Variants in ACAA1 observed in about 807,000 individuals in gnomAD.
The protein encoded by ACAA1 is 3-ketoacyl-CoA thiolase, peroxisomal.
A neutral mutation model predicts 48.8 loss-of-function variants in ACAA1; 44 were observed. That is an observed-to-expected ratio of 0.90 (90% CI 0.71 to 1.16). The LOEUF is 1.16. ACAA1 is among the 50% of genes most tolerant of loss of function. The probability of loss-of-function intolerance (pLI) is 0.00; values close to 1 mark genes in which losing one functional copy is unlikely to be tolerated. For synonymous variants in ACAA1, 233 were observed against 226.5 expected, an observed-to-expected ratio of 1.03 and a Z score of -0.26; for missense variants, 512 against 562.3, an observed-to-expected ratio of 0.91 and a Z score of 0.90.
Position 38,126,743 on chromosome 3 carries a change from T to G in ACAA1, c.627-43A>C, listed in dbSNP as rs936578276. ...AGCCAGCTTCAGACTCCCTTGGGGT[T>G]CCCTTCCTCCCTGCCCCCAACCCCT... On this transcript the variant is annotated intron_variant, in intron 7 of 11. Transcript: ENST00000333167. This position sits in a 1 kb window ranked among gnomAD's most constrained non-coding sequence, Gnocchi z 4.7. 2 of 1,608,084 alleles carry G rather than the reference T, an allele frequency of 1.2e-6. No homozygotes were observed. The highest frequency in any genetic ancestry group is 2.7e-5 in the African/African-American group (2 of 74,820).
chr3:38,133,311 G>A (rs1309484379), intron 3 of ACAA1, among the ~76,000 whole-genome samples: 2 of 152,134 alleles, frequency 1.3e-5, no homozygotes, highest in Non-Finnish European at 2.9e-5. Context: ...TAAGTCTGGA[G>A]CCAGATTGTA....
chr3:38,127,547 A>C, intron 7 of ACAA1: 2 of 553,998 alleles, frequency 3.6e-6, no homozygotes, highest in Non-Finnish European at 6.5e-6. Context: ...CAGAGGGGGA[A>C]ACTGAGGCCT....
rs754811954 is a variant in ACAA1, at chr3:38,126,139, A to G, written c.997+23T>C. Reference sequence around the variant, plus strand: ...TGCAGGATCCAGGTGGGACCCAGATACTATATGAAGGAGCCACCTTACCTG... The same window carrying G: ...TGCAGGATCCAGGTGGGACCCAGATGCTATATGAAGGAGCCACCTTACCTG... On this transcript the variant is annotated intron_variant, in intron 9 of 11. Coordinates refer to ENST00000333167, the MANE Select transcript of ACAA1 (RefSeq NM_001607.4). This position sits in a 1 kb window ranked among gnomAD's most constrained non-coding sequence, Gnocchi z 4.7. The G allele has an allele frequency of 1.2e-6, 2 of 1,608,300 alleles. No homozygotes were observed. Among genetic ancestry groups the G allele is most frequent in the Non-Finnish European group, 1.7e-6 (2 of 1,176,692 alleles).
chr3:38,129,100 C>CCT lies in ACAA1; in HGVS notation c.545+188_545+189dup, dbSNP rs1176935829. 2.0e-5 allele frequency among the ~76,000 whole-genome samples: 3 copies of CCT among 152,280 alleles called. No homozygotes were observed. The highest frequency in any genetic ancestry group is 2.1e-4 in the South Asian group (1 of 4,832). ...TGGAAACTCGGGGGCACAGAGAGGA[C>CCT]CTGGGGCCTTCAGGAAATGGAAGTC... On this transcript the variant is annotated intron_variant, in intron 6 of 11. Transcript: ENST00000333167. This position sits in a 1 kb window ranked among gnomAD's most constrained non-coding sequence, Gnocchi z 5.3.
In ACAA1 at chr3:38,129,254, G is replaced by A. The variant is rs1324837841; in HGVS notation, c.545+36C>T. 6.3e-7 allele frequency: 1 copy of A among 1,576,486 alleles called. No individual in the cohort carries two copies. Among genetic ancestry groups the A allele is most frequent in the Admixed American group, 1.7e-5 (1 of 58,878 alleles). On this transcript the variant is annotated intron_variant, in intron 6 of 11. Transcript: ENST00000333167. The surrounding 1 kb of genome is among the most constrained non-coding windows in gnomAD (Gnocchi z 5.3). Reference sequence around the variant, plus strand: ...TCCTTGGCTCCCTGCCCCAGGCAGAGAGGGCACAAGCACACAGAGCTATGG... The same window carrying A: ...TCCTTGGCTCCCTGCCCCAGGCAGAAAGGGCACAAGCACACAGAGCTATGG...
At chr3:38,128,881 G>A (rs946211958) in intron 6 of ACAA1, among the ~76,000 whole-genome samples, 4 of 152,130 alleles carry the variant, frequency 2.6e-5, no homozygotes, top group African/African-American at 9.6e-5. Context: ...ATGAGCCATC[G>A]CACCCGGCCA....
At chr3:38,128,221 C>T (rs1575260923) in intron 6 of ACAA1, among the ~76,000 whole-genome samples, 1 of 152,146 alleles carries the variant, frequency 6.6e-6, no homozygotes, top group African/African-American at 2.4e-5. Context: ...CAGGGGAGGG[C>T]CTGGGTGGGG....
chr3:38,135,684 A>T (rs1448392408), intron 2 of ACAA1, among the ~76,000 whole-genome samples: 3 of 152,140 alleles, frequency 2.0e-5, no homozygotes, highest in African/African-American at 7.2e-5. Context: ...CTCAGTAAAT[A>T]GAATGTATGG....
Position 38,131,972 on chromosome 3 carries a change from G to A in ACAA1, c.357C>T (p.Val119=). The A allele has an allele frequency of 6.2e-7, 1 of 1,613,972 alleles. No homozygotes were observed. The highest frequency in any genetic ancestry group is 8.5e-7 in the Non-Finnish European group (1 of 1,179,914). Residue 119 remains valine, a synonymous_variant, in exon 4 of 12, where the codon GTC becomes GTT. Transcript: ENST00000333167. ...GTAGCCCCGACGAACACTGTCTATT[G>A]ACAGTGGACAAAGGCACAGTCTCCG... is the stretch of plus-strand genomic sequence containing the variant. ...DIPETVPLST[V]NRQCSSGLQA...
At chr3:38,127,955 T>A (rs1459061873) in intron 6 of ACAA1, 89 bp from the exon 7 acceptor site, 1 of 1,346,890 alleles carries the variant, frequency 7.4e-7, no homozygotes, top group East Asian at 2.3e-5. Context: ...GAACTTTGGG[T>A]TCCCAAGGCT....
At chr3:38,125,308 G>A (rs1183269550) in intron 11 of ACAA1, 9 of 350,712 alleles carry the variant, frequency 2.6e-5, no homozygotes, top group Non-Finnish European at 3.0e-5. Context: ...CTAGTCAAGT[G>A]TAGAAGTAAG....
At position 38,125,706 on chromosome 3, in the gene ACAA1, G is replaced by T. The variant is rs1190534320; in HGVS notation, c.1058C>A (p.Ala353Asp). Residue 353 changes from alanine (A) to aspartate (D), a missense_variant, in exon 11 of 12, where the codon GCC (alanine) becomes GAC (aspartate). Ala to Asp is a moderately radical substitution (Grantham distance 126). Transcript: ENST00000333167. ...GAGTCGTAGCTTCTCCACACAGTAG[G>T]CAGCCTGGAAGGAGGCAGATCATCA... ...EINEAFASQA[A>D]YCVEKLRLPP... 1 of 1,607,416 alleles carries T rather than the reference G, an allele frequency of 6.2e-7. No homozygotes were observed. The highest frequency in any genetic ancestry group is 1.7e-5 in the Admixed American group (1 of 59,622).
Position 38,127,804 on chromosome 3 carries a change from G to A in ACAA1, c.608C>T (p.Ala203Val). The change falls in exon 7 of 12, where the codon GCC becomes GTC. Residue 203 changes from alanine to valine, a missense_variant. Ala to Val is a moderately conservative substitution (Grantham distance 64). Coordinates refer to ENST00000333167, the MANE Select transcript of ACAA1 (RefSeq NM_001607.4). ...CACTCACTTCTGCTGGGAAGCCAGG[G>A]CAAAGGTATCCTGCTTCTCCCGTGA... ...GISREKQDTFALASQQKAARA... is the reference protein window; with the variant it reads ...GISREKQDTFVLASQQKAARA... 1 of 1,614,138 alleles carries A rather than the reference G, an allele frequency of 6.2e-7. No homozygotes were observed. Among genetic ancestry groups the A allele is most frequent in the Middle Eastern group, 1.6e-4 (1 of 6,062 alleles).
chr3:38,134,172 G>A (rs1700842369), intron 2 of ACAA1, 163 bp from the exon 3 acceptor site: 1 of 663,046 alleles, frequency 1.5e-6, no homozygotes, highest in Middle Eastern at 3.0e-4. Context: ...GGCAGGGAGA[G>A]CCAGCCATAC....
At chr3:38,134,246 C>T in intron 2 of ACAA1, 2 of 572,206 alleles carry the variant, frequency 3.5e-6, no homozygotes, top group Non-Finnish European at 6.2e-6. Context: ...CTTGCCCATG[C>T]ACCCAGCTTT....
Position 38,122,877 on chromosome 3 carries a change from A to G in ACAA1, c.*170T>C, listed in dbSNP as rs1458380999. 7 of 796,786 alleles carry G rather than the reference A, an allele frequency of 8.8e-6. No individual in the cohort carries two copies. The highest frequency in any genetic ancestry group is 1.4e-5 in the Non-Finnish European group (7 of 504,560). 49.4% of individuals were successfully genotyped at this position (796,786 alleles called of 1,614,324 possible). ...GGCTCAACACCCCACCCACTCCTAT[A>G]CCATGTCATCAGTGTTCACATTTTC... is the stretch of plus-strand genomic sequence containing the variant. On this transcript the variant is annotated 3_prime_UTR_variant, in exon 12 of 12. Transcript: ENST00000333167.
At chr3:38,128,742 C>A (rs1258937340) in intron 6 of ACAA1, among the ~76,000 whole-genome samples, 1 of 152,214 alleles carries the variant, frequency 6.6e-6, no homozygotes, top group Non-Finnish European at 1.5e-5. Flanking sequence ...CAGGCGCTCA[C>A]CACCGCGCCC....
chr3:38,129,354 G>A lies in ACAA1; in HGVS notation c.481C>T (p.Pro161Ser), dbSNP rs371675293. The A allele has an allele frequency of 3.5e-5, 56 of 1,614,046 alleles. No homozygotes were observed. Among genetic ancestry groups the A allele is most frequent in the Non-Finnish European group, 3.9e-5 (46 of 1,180,026 alleles). The change falls in exon 6 of 12, where the codon CCT (proline) becomes TCT (serine). Residue 161 changes from proline to serine, a missense_variant. Coordinates refer to ENST00000333167, the MANE Select transcript of ACAA1 (RefSeq NM_001607.4). The surrounding 1 kb of genome is among the most constrained non-coding windows in gnomAD (Gnocchi z 5.3). ...ATCAAGCGCGAAGTAATATTTCCAG[G>A]GTTCCCTCTGTCAGCCAGGGACATG... ...ESMSLADRGN[P>S]GNITSRLMEK...
In ACAA1 at chr3:38,137,064, C is replaced by CAAA. The variant is rs1432050059; in HGVS notation, c.-30_-29insTTT. The CAAA allele has an allele frequency of 6.6e-7, 1 of 1,521,146 alleles. No individual in the cohort carries two copies. The highest frequency in any genetic ancestry group is 8.8e-7 in the Non-Finnish European group (1 of 1,137,048). 94.2% of individuals were successfully genotyped at this position (1,521,146 alleles called of 1,614,324 possible). A position where few individuals can be genotyped will look rare whatever the true frequency, so the allele number is the denominator to read the frequency against. ...GCAGGTCAACCCTGCAGACCAGCCA[C>CAAA]CAGTCCGGGAACTGACCGCGGAGTT... On this transcript the variant is annotated 5_prime_UTR_variant, in exon 1 of 12. Coordinates refer to ENST00000333167, the MANE Select transcript of ACAA1 (RefSeq NM_001607.4).
Sources: gnomAD v4.1 joint callset for allele counts (sites outside exome capture counted in the v4.1 genomes callset) on GRCh38, gnomAD v4.1.1 for gene constraint, Gnocchi (gnomAD v3.1) non-coding constraint, MANE v1.5 for transcripts, NCBI Gene and HGNC (gene_info 2026-07-23, HGNC 2026-07-21) for gene names.